Variants in RPL36AL observed in about 807,000 individuals in gnomAD.
RPL36AL encodes ribosomal protein L36a like.
In RPL36AL, 8 loss-of-function variants were observed where a neutral mutation model predicts 7.9. The observed-to-expected ratio is 1.02, with a 90% CI of 0.60 to 1.84. The LOEUF (loss-of-function observed/expected upper bound fraction) is 1.84. Among genes scored for constraint, RPL36AL ranks in the 40% most tolerant of loss-of-function variants. The pLI is 0.00. For missense variants in RPL36AL, 76 were observed against 126.8 expected (o/e 0.60, Z 1.93); for synonymous variants, 44 against 44.8 (o/e 0.98, Z 0.07).
At chr14:49,619,166 T>G (rs1882755619) in intron 1 of RPL36AL, 26 bp from the exon 2 acceptor site, 1 of 1,453,632 alleles carries the variant, frequency 6.9e-7, no homozygotes, top group Non-Finnish European at 9.3e-7. Flanking sequence ...TAAAATAAGA[T>G]AGCAGACGTT....
Position 49,618,902 on chromosome 14 carries a change from A to C in RPL36AL, c.203T>G (p.Leu68Arg). 6.2e-7 allele frequency: 1 copy of C among 1,613,040 alleles called. No homozygotes were observed. The highest frequency in any genetic ancestry group is 8.5e-7 in the Non-Finnish European group (1 of 1,179,870). ...GTTAGGCTCAACACATTCCAGCCTT[A>C]GCACAATCTTCTTTGTGGTCTTAGC... is the stretch of plus-strand genomic sequence containing the variant. ...KKAKTTKKIV[L>R]RLECVEPNCR... is the part of the protein sequence containing the mutation. The change falls in exon 2 of 2, where the codon CTA becomes CGA. Residue 68 changes from leucine (L) to arginine (R), a missense_variant. Transcript: ENST00000298289.
chr14:49,618,728 A>G lies in RPL36AL; in HGVS notation c.*56T>C, dbSNP rs1198780926. On this transcript the variant is annotated 3_prime_UTR_variant, in exon 2 of 2. Coordinates refer to ENST00000298289, the MANE Select transcript of RPL36AL (RefSeq NM_001001.5). ...CACTGTATTTATTTTCCCTCGGGTA[A>G]CTTTTCTATGGCTTCACCATTTTCT... The G allele has an allele frequency of 4.9e-6, 7 of 1,434,530 alleles. No homozygotes were observed. Among genetic ancestry groups the G allele is most frequent in the South Asian group, 1.3e-5 (1 of 78,788 alleles). The allele number at this position is 1,434,530 out of a possible 1,614,324, so 88.9% of individuals were successfully genotyped here.
chr14:49,619,166 TAGC>T (rs1307652062), intron 1 of RPL36AL, 26 bp from the exon 2 acceptor site: 13 of 1,453,514 alleles, frequency 8.9e-6, no homozygotes, highest in African/African-American at 1.4e-5. Flanking sequence ...TAAAATAAGA[TAGC>T]AGACGTTAAA....
Position 49,620,367 on chromosome 14 carries a change from C to A in RPL36AL, c.-37+195G>T, listed in dbSNP as rs539799436. On this transcript the variant is annotated intron_variant, in intron 1 of 1. Coordinates refer to ENST00000298289, the MANE Select transcript of RPL36AL (RefSeq NM_001001.5). ...GCCTCGAGGGCTGACGTGTCCTTATCAAGCCGGCGCGCCCCGCGATTCTAT... is the reference window on the plus strand; with the variant it reads ...GCCTCGAGGGCTGACGTGTCCTTATAAAGCCGGCGCGCCCCGCGATTCTAT... 2.0e-5 allele frequency among the ~76,000 whole-genome samples: 3 copies of A among 152,370 alleles called. No homozygotes were observed. In the East Asian group the frequency reaches 5.8e-4, roughly 29 times the overall value.
At chr14:49,619,793 G>A (rs1351550809) in intron 1 of RPL36AL, among the ~76,000 whole-genome samples, 1 of 152,146 alleles carries the variant, frequency 6.6e-6, no homozygotes, top group Non-Finnish European at 1.5e-5. Context: ...TGTCTACCAA[G>A]AATTTACATT....
rs771503863 is a variant in RPL36AL, at chr14:49,620,589, T to A, written c.-64A>T. 1.3e-4 allele frequency: 26 copies of A among 203,170 alleles called. No individual in the cohort carries two copies. The highest frequency in any genetic ancestry group is 2.3e-4 in the Admixed American group (4 of 17,254). 12.6% of individuals were successfully genotyped at this position (203,170 alleles called of 1,614,324 possible). The stretch of plus-strand genomic sequence containing the variant: ...AGAAACAGCGCCCGACACCTGGCCC[T>A]TCGCAGCTCTCGCCTTTCGCAGCTC... On this transcript the variant is annotated 5_prime_UTR_variant, in exon 1 of 2. In the 5' UTR this introduces an upstream ATG that the reference lacks. Transcript: ENST00000298289.
Position 49,618,746 on chromosome 14 carries a change from C to T in RPL36AL, c.*38G>A. The T allele has an allele frequency of 1.3e-6, 2 of 1,535,288 alleles. No homozygotes were observed. Among genetic ancestry groups the T allele is most frequent in the Non-Finnish European group, 8.9e-7 (1 of 1,120,374 alleles). On this transcript the variant is annotated 3_prime_UTR_variant, in exon 2 of 2. Transcript: ENST00000298289. ...TCGGGTAACTTTTCTATGGCTTCAC[C>T]ATTTTCTCTTCAAAATTGAAGAAAA...
Position 49,619,023 on chromosome 14 carries a change from T to G in RPL36AL, c.82A>C (p.Lys28Gln), listed in dbSNP as rs750627393. ...TGGGCATACAAAGAATCCTTGCCCT[T>G]CTTATACTGTGTCACTTTGTGAGGC... ...HQPHKVTQYK[K>Q]GKDSLYAQGR... is the part of the protein sequence containing the mutation. Residue 28 changes from lysine (K) to glutamine (Q), a missense_variant, in exon 2 of 2, where the codon AAG becomes CAG. Coordinates refer to ENST00000298289, the MANE Select transcript of RPL36AL (RefSeq NM_001001.5). 1 of 1,613,992 alleles carries G rather than the reference T, an allele frequency of 6.2e-7. No homozygotes were observed. The highest frequency in any genetic ancestry group is 8.5e-7 in the Non-Finnish European group (1 of 1,179,862).
intron 1 of RPL36AL, among the ~76,000 whole-genome samples, chr14:49,619,376 G>A (rs1416372194): frequency 6.6e-6 from 1 of 152,150 alleles, no homozygotes; most frequent in African/African-American, 2.4e-5. Flanking sequence ...GGCCGAGCAC[G>A]GTGGCTCATG....
Position 49,618,737 on chromosome 14 carries a change from T to A in RPL36AL, c.*47A>T, listed in dbSNP as rs745899887. On this transcript the variant is annotated 3_prime_UTR_variant, in exon 2 of 2. Coordinates refer to ENST00000298289, the MANE Select transcript of RPL36AL (RefSeq NM_001001.5). ...TATTTTCCCTCGGGTAACTTTTCTA[T>A]GGCTTCACCATTTTCTCTTCAAAAT... 1.9e-5 allele frequency: 29 copies of A among 1,495,388 alleles called. No homozygotes were observed. The highest frequency in any genetic ancestry group is 4.9e-4 in the Middle Eastern group (2 of 4,080). The allele number at this position is 1,495,388 out of a possible 1,614,324, so 92.6% of individuals were successfully genotyped here.
Position 49,618,747 on chromosome 14 carries a change from A to AT in RPL36AL, c.*36dup. 1 of 1,543,736 alleles carries AT rather than the reference A, an allele frequency of 6.5e-7. No individual in the cohort carries two copies. Among genetic ancestry groups the AT allele is most frequent in the Non-Finnish European group, 8.9e-7 (1 of 1,127,334 alleles). ...CGGGTAACTTTTCTATGGCTTCACC[A>AT]TTTTCTCTTCAAAATTGAAGAAAAA... On this transcript the variant is annotated 3_prime_UTR_variant, in exon 2 of 2. Coordinates refer to ENST00000298289, the MANE Select transcript of RPL36AL (RefSeq NM_001001.5).
At chr14:49,620,193 C>G (rs939301728) in intron 1 of RPL36AL, among the ~76,000 whole-genome samples, 2 of 152,216 alleles carry the variant, frequency 1.3e-5, no homozygotes, top group Non-Finnish European at 2.9e-5. Context: ...CCCTTCCCCC[C>G]ACCCACCTCC....
chr14:49,618,976 C>G lies in RPL36AL; in HGVS notation c.129G>C (p.Arg43=), dbSNP rs767307965. The change falls in exon 2 of 2, where the codon CGG becomes CGC. Residue 43 remains arginine, a synonymous_variant. Coordinates refer to ENST00000298289, the MANE Select transcript of RPL36AL (RefSeq NM_001001.5). ...LYAQGRRRYD[R]KQSGYGGQTK... is the part of the protein sequence containing the mutation. Reference sequence around the variant, plus strand: ...TCTGCCCACCATAGCCACTCTGCTTCCGATCATAGCGCCTCCTTCCCTGGG... The same window carrying G: ...TCTGCCCACCATAGCCACTCTGCTTGCGATCATAGCGCCTCCTTCCCTGGG... 6.2e-7 allele frequency: 1 copy of G among 1,613,864 alleles called. No homozygotes were observed. Among genetic ancestry groups the G allele is most frequent in the Non-Finnish European group, 8.5e-7 (1 of 1,179,874 alleles).
At chr14:49,620,274 T>A (rs1882794982) in intron 1 of RPL36AL, among the ~76,000 whole-genome samples, 1 of 151,828 alleles carries the variant, frequency 6.6e-6, no homozygotes, top group African/African-American at 2.4e-5. Flanking sequence ...ACCCGCCCCG[T>A]TCCTTCTACG....
At position 49,618,620 on chromosome 14, in the gene RPL36AL, G is replaced by T; in HGVS notation, c.*164C>A. 1 of 607,556 alleles carries T rather than the reference G, an allele frequency of 1.6e-6. No individual in the cohort carries two copies. The highest frequency in any genetic ancestry group is 2.9e-6 in the Non-Finnish European group (1 of 346,228). 37.6% of individuals were successfully genotyped at this position (607,556 alleles called of 1,614,324 possible). Reference sequence around the variant, plus strand: ...TTTCCCTTCATACATATATAAACTTGTTAGTAAAGTTTGAGGTGGGACTAC... The same window carrying T: ...TTTCCCTTCATACATATATAAACTTTTTAGTAAAGTTTGAGGTGGGACTAC... On this transcript the variant is annotated 3_prime_UTR_variant, in exon 2 of 2. Coordinates refer to ENST00000298289, the MANE Select transcript of RPL36AL (RefSeq NM_001001.5).
Position 49,620,567 on chromosome 14 carries a change from A to G in RPL36AL, c.-42T>C, listed in dbSNP as rs1320562497. On this transcript the variant is annotated 5_prime_UTR_variant, in exon 1 of 2. Coordinates refer to ENST00000298289, the MANE Select transcript of RPL36AL (RefSeq NM_001001.5). ...CAGCCTCGTTCTTAGCTTACCGAGA[A>G]ACAGCGCCCGACACCTGGCCCTTCG... 1 of 185,496 alleles carries G rather than the reference A, an allele frequency of 5.4e-6. No homozygotes were observed. The highest frequency in any genetic ancestry group is 1.6e-4 in the East Asian group (1 of 6,330). 11.5% of individuals were successfully genotyped at this position (185,496 alleles called of 1,614,324 possible).
chr14:49,619,230 CATAA>C, intron 1 of RPL36AL, 90 bp from the exon 2 acceptor site: 1 of 748,436 alleles, frequency 1.3e-6, no homozygotes, highest in Non-Finnish European at 2.2e-6. Context: ...AAACCGTACA[CATAA>C]ATGAGTAATA....
chr14:49,619,822 G>A (rs1384106762), intron 1 of RPL36AL, among the ~76,000 whole-genome samples: 2 of 152,152 alleles, frequency 1.3e-5, no homozygotes, highest in African/African-American at 4.8e-5. Flanking sequence ...ACAAGCGATT[G>A]ATTGGCTATA....
chr14:49,620,321 A>C (rs1417657346), intron 1 of RPL36AL, among the ~76,000 whole-genome samples: 2 of 152,126 alleles, frequency 1.3e-5, no homozygotes, highest in Non-Finnish European at 2.9e-5. Context: ...TTCCCCTCCG[A>C]AGCACAGTCA....
Sources: allele counts gnomAD v4.1 joint callset (sites outside exome capture counted in the v4.1 genomes callset), GRCh38; gene constraint gnomAD v4.1.1; transcripts MANE v1.5; gene names NCBI Gene and HGNC (gene_info 2026-07-23, HGNC 2026-07-21).